Variants in KMT2C observed in about 807,000 individuals in gnomAD.
KMT2C encodes the protein histone-lysine N-methyltransferase 2C.
A neutral mutation model predicts 507.9 loss-of-function variants in KMT2C; 88 were observed. The observed-to-expected ratio is 0.17, with a 90% CI of 0.15 to 0.21. The LOEUF (loss-of-function observed/expected upper bound fraction) is 0.21, where lower values mean the gene tolerates loss of function less well. Ranked by LOEUF, KMT2C falls within the 10% of genes least tolerant of loss-of-function variation. The pLI, the probability that KMT2C is intolerant of heterozygous loss-of-function variation, is 1.00. For missense variants in KMT2C, 4,954 were observed against 5,957.8 expected (o/e 0.83, Z 5.55); for synonymous variants, 2,049 against 2,080.8 (o/e 0.98, Z 0.42).
Position 152,162,655 on chromosome 7 carries a change from G to T in KMT2C, c.10922C>A (p.Thr3641Asn), listed in dbSNP as rs1347562232. The change falls in exon 43 of 59, where the codon ACC becomes AAC. Residue 3641 changes from threonine to asparagine, a missense_variant. Physicochemically the swap from Thr to Asn is moderately conservative, Grantham distance 65 (BLOSUM62 0). Around this residue, in one of 29 missense-constraint regions of KMT2C, gnomAD observed 801 missense variants for 751.2 expected, o/e 1.07. Coordinates refer to ENST00000262189, the MANE Select transcript of KMT2C (RefSeq NM_170606.3). ...GGGTGTGCTCACTGCAGGAGTAGAGGTAGTTTCTGAGATGCCTGGAGTCGG... is the reference window on the plus strand; with the variant it reads ...GGGTGTGCTCACTGCAGGAGTAGAGTTAGTTTCTGAGATGCCTGGAGTCGG... The part of the protein sequence containing the change: ...APPTPGISET[T>N]STPAVSTPSE... 2 of 1,614,116 alleles carry T rather than the reference G, an allele frequency of 1.2e-6. No homozygotes were observed. The highest frequency in any genetic ancestry group is 1.1e-5 in the South Asian group (1 of 91,090).
At chr7:152,253,453 T>C (rs2095594077) in intron 9 of KMT2C, among the ~76,000 whole-genome samples, 1 of 129,050 alleles carries the variant, frequency 7.7e-6, no homozygotes. Context: ...GATGGGAGGA[T>C]CGCATGAAGC....
chr7:152,168,033 T>G (rs2092808931), intron 41 of KMT2C, among the ~76,000 whole-genome samples: 1 of 152,206 alleles, frequency 6.6e-6, no homozygotes, highest in African/African-American at 2.4e-5. Context: ...AAACATTTTC[T>G]ACTTTTACAA....
chr7:152,389,607 A>G (rs62495511), intron 1 of KMT2C, among the ~76,000 whole-genome samples: 1 of 151,976 alleles, frequency 6.6e-6, no homozygotes, highest in African/African-American at 2.4e-5. Context: ...ATACCTGGCT[A>G]AGTTTTATTT....
intron 6 of KMT2C, among the ~76,000 whole-genome samples, chr7:152,275,251 A>C (rs2096060902): frequency 6.6e-6 from 1 of 152,196 alleles, no homozygotes; most frequent in Non-Finnish European, 1.5e-5. Context: ...AAAGAAAGAG[A>C]TACAAAAATT....
chr7:152,210,228 A>T (rs1218995064), intron 23 of KMT2C, among the ~76,000 whole-genome samples: 2 of 152,344 alleles, frequency 1.3e-5, no homozygotes, highest in Non-Finnish European at 2.9e-5. Context: ...TTCAAGAAGA[A>T]CATCTAAAGA....
intron 6 of KMT2C, among the ~76,000 whole-genome samples, chr7:152,307,248 A>AGGAAGGAAGGAAGGAAGGAAG (rs1253285455): frequency 8.5e-6 from 1 of 116,988 alleles, no homozygotes; most frequent in Non-Finnish European, 1.7e-5. Context: ...GAAGGAAGGA[A>AGGAAGGAAGGAAGGAAGGAAG]GGACGGTAGG....
intron 7 of KMT2C, among the ~76,000 whole-genome samples, chr7:152,268,838 C>G (rs542477564): frequency 6.6e-6 from 1 of 152,272 alleles, no homozygotes; most frequent in East Asian, 1.9e-4. Context: ...CCTGACACTT[C>G]AAGTTGCCAT....
intron 39 of KMT2C, among the ~76,000 whole-genome samples, chr7:152,171,645 C>T (rs1397396854): frequency 1.3e-5 from 2 of 152,230 alleles, no homozygotes; most frequent in Admixed American, 1.3e-4. Context: ...GCTAGGCTGA[C>T]TCTAGAGGTT....
chr7:152,297,917 G>A (rs2096531160), intron 6 of KMT2C, among the ~76,000 whole-genome samples: 1 of 152,124 alleles, frequency 6.6e-6, no homozygotes, highest in Non-Finnish European at 1.5e-5. Context: ...TTTTATACAT[G>A]TATCCCATAT....
intron 35 of KMT2C, 28 bp from the exon 36 acceptor site, chr7:152,182,622 C>A: frequency 6.6e-7 from 1 of 1,518,254 alleles, no homozygotes; most frequent in South Asian, 1.3e-5. Flanking sequence ...AAAAAGCAAT[C>A]ATATTTAGGT....
intron 38 of KMT2C, among the ~76,000 whole-genome samples, chr7:152,174,893 G>A (rs759897297): frequency 6.6e-6 from 1 of 152,110 alleles, no homozygotes; most frequent in Non-Finnish European, 1.5e-5. Flanking sequence ...AAGTTAAAGA[G>A]GTTTATATAG....
In KMT2C at chr7:152,265,232, G is replaced by C. The variant is rs532766628; in HGVS notation, c.1013-23C>G. The stretch of plus-strand genomic sequence containing the variant: ...TCGCTATAATTAACAGTGAAACAAT[G>C]AAATTGTTGTATAAGAATTTAAATT... On this transcript the variant is annotated intron_variant, in intron 7 of 58. Transcript: ENST00000262189. 47 of 1,611,226 alleles carry C rather than the reference G, an allele frequency of 2.9e-5. No homozygotes were observed. In the East Asian group the frequency reaches 1.0e-3, roughly 35 times the overall value.
At chr7:152,394,153 T>C (rs773590578) in intron 1 of KMT2C, among the ~76,000 whole-genome samples, 1 of 152,122 alleles carries the variant, frequency 6.6e-6, no homozygotes, top group Non-Finnish European at 1.5e-5. Flanking sequence ...CTGCTAATAT[T>C]ATCTAACATG....
Position 152,310,936 on chromosome 7 carries a change from T to G in KMT2C, c.740-861A>C, listed in dbSNP as rs139521062. On this transcript the variant is annotated intron_variant, in intron 5 of 58. Coordinates refer to ENST00000262189, the MANE Select transcript of KMT2C (RefSeq NM_170606.3). Reference sequence around the variant, plus strand: ...CCTGAGTTCAAGCGATCCACCTACCTCAGCCTGCCAAAGTGCTGGGATTAC... The same window carrying G: ...CCTGAGTTCAAGCGATCCACCTACCGCAGCCTGCCAAAGTGCTGGGATTAC... Among the ~76,000 whole-genome samples the G allele has an allele frequency of 8.6e-3, 1,303 of 152,152 alleles. 21 individuals carry two copies. The highest frequency in any genetic ancestry group is 0.03 in the African/African-American group (1,256 of 41,486).
At chr7:152,324,247 G>C (rs2096802950) in intron 3 of KMT2C, among the ~76,000 whole-genome samples, 1 of 151,066 alleles carries the variant, frequency 6.6e-6, no homozygotes, top group South Asian at 2.1e-4. Flanking sequence ...TATTAGTTTG[G>C]TGCAAAAGTG....
At chr7:152,316,245 C>A (rs911271710) in intron 3 of KMT2C, among the ~76,000 whole-genome samples, 1 of 151,958 alleles carries the variant, frequency 6.6e-6, no homozygotes, top group Non-Finnish European at 1.5e-5. Context: ...AGATACTGAG[C>A]CCTAATGTAA....
At chr7:152,420,899 T>C (rs1302137813) in intron 1 of KMT2C, among the ~76,000 whole-genome samples, 1 of 150,832 alleles carries the variant, frequency 6.6e-6, no homozygotes, top group Non-Finnish European at 1.5e-5. Flanking sequence ...AAACTAGCAT[T>C]AGGAGATATA....
At chr7:152,320,275 G>A (rs1428859259) in intron 3 of KMT2C, among the ~76,000 whole-genome samples, 2 of 152,028 alleles carry the variant, frequency 1.3e-5, no homozygotes, top group Non-Finnish European at 2.9e-5. Context: ...TTGAGATGGA[G>A]TCTCACTCCG....
chr7:152,204,588 C>T (rs1342732224), intron 25 of KMT2C, among the ~76,000 whole-genome samples: 1 of 132,192 alleles, frequency 7.6e-6, no homozygotes, highest in South Asian at 2.5e-4. Flanking sequence ...CATAGTGAGA[C>T]CCCTAGATAG....
Sources: gnomAD v4.1 joint callset for allele counts (sites outside exome capture counted in the v4.1 genomes callset) on GRCh38, gnomAD v4.1.1 for gene constraint, gnomAD v4.1.1 regional missense constraint, MANE v1.5 for transcripts, NCBI Gene and HGNC (gene_info 2026-07-23, HGNC 2026-07-21) for gene names.